Variants in TSPAN11 observed in about 807,000 individuals in gnomAD.
The protein encoded by TSPAN11 is tetraspanin-11.
TSPAN11 carries 29 observed loss-of-function variants against 32.9 expected under a neutral mutation model. The ratio of observed to expected loss-of-function variants is 0.88; its 90% CI spans 0.66 to 1.20. The LOEUF is 1.20. TSPAN11 is among the 50% of genes most tolerant of loss of function. The pLI, the probability that TSPAN11 is intolerant of heterozygous loss-of-function variation, is 0.00. For missense variants in TSPAN11, 283 were observed against 329.1 expected, an observed-to-expected ratio of 0.86 and a Z score of 1.08; for synonymous variants, 140 against 141.3, an observed-to-expected ratio of 0.99 and a Z score of 0.07.
At chr12:31,008,487 C>A in the TSPAN11 span, among the ~76,000 whole-genome samples, 1 of 152,180 alleles carries the variant, frequency 6.6e-6, no homozygotes, top group East Asian at 1.9e-4. Flanking sequence ...AGCAGGGCAG[C>A]CATGAGTCAG....
downstream of TSPAN11, chr12:30,996,738 T>G (rs1432876613): frequency 1.3e-5 from 2 of 152,208 alleles, no homozygotes; most frequent in Non-Finnish European, 2.9e-5. Context: ...TTGGCCACAT[T>G]GGATAGGGTC....
At chr12:31,014,466 A>G in the TSPAN11 span, among the ~76,000 whole-genome samples, 1 of 152,122 alleles carries the variant, frequency 6.6e-6, no homozygotes, top group South Asian at 2.1e-4. Context: ...ACCACATGGC[A>G]TTTTTTTTCA....
chr12:30,961,173 A>G (rs769518995), intron 2 of TSPAN11, among the ~76,000 whole-genome samples: 1 of 151,890 alleles, frequency 6.6e-6, no homozygotes, highest in Non-Finnish European at 1.5e-5. Context: ...CACTCCATCA[A>G]GTCCCTCTTC....
intron 1 of TSPAN11, among the ~76,000 whole-genome samples, chr12:30,947,208 T>C (rs1938286533): frequency 6.6e-6 from 1 of 151,952 alleles, no homozygotes; most frequent in African/African-American, 2.4e-5. Context: ...CAAAGAAAAA[T>C]TGTGGGGTAC....
Position 30,991,955 on chromosome 12 carries a change from C to T in TSPAN11, c.*40C>T, listed in dbSNP as rs555107658. 4 of 1,608,954 alleles carry T rather than the reference C, an allele frequency of 2.5e-6. No individual in the cohort carries two copies. The African/African-American group carries it at 5.3e-5, about 21-fold the overall frequency. ...CTCTTCCAACTGCCCCTCAAGACAACATGTGGCCACATGCCATCTGCAAGG... is the reference window on the plus strand; with the variant it reads ...CTCTTCCAACTGCCCCTCAAGACAATATGTGGCCACATGCCATCTGCAAGG... On this transcript the variant is annotated 3_prime_UTR_variant, in exon 8 of 8. Coordinates refer to ENST00000546076, the MANE Select transcript of TSPAN11 (RefSeq NM_001370302.1).
At position 30,984,552 on chromosome 12, in the gene TSPAN11, C is replaced by CTTTT. The variant is rs55772956; in HGVS notation, c.702+1423_702+1426dup. On this transcript the variant is annotated intron_variant, in intron 7 of 7. Transcript: ENST00000546076. ...AAGGAGTAGTGTTCTTCGCTTTTTG[C>CTTTT]TTTTTTTTTTTTTTTTTTTTTTTTG... Among the ~76,000 whole-genome samples the CTTTT allele has an allele frequency of 6.9e-3, 470 of 68,588 alleles. 27 individuals carry two copies. The highest frequency in any genetic ancestry group is 0.018 in the African/African-American group (307 of 17,406). 45.0% of individuals were successfully genotyped at this position (68,588 alleles called of 152,430 possible). A position where few individuals can be genotyped will look rare whatever the true frequency, so the allele number is the denominator to read the frequency against.
intron 7 of TSPAN11, among the ~76,000 whole-genome samples, chr12:30,991,567 T>C (rs1939312629): frequency 6.6e-6 from 1 of 152,162 alleles, no homozygotes; most frequent in African/African-American, 2.4e-5. Flanking sequence ...AGAATTGTAA[T>C]AAGGAGGTCC....
At chr12:30,943,626 ACCT>A (rs1350291107) in intron 1 of TSPAN11, among the ~76,000 whole-genome samples, 3 of 152,246 alleles carry the variant, frequency 2.0e-5, no homozygotes, top group East Asian at 3.9e-4. Flanking sequence ...CCACAGTGTG[ACCT>A]CCTGTTCCCC....
intron 1 of TSPAN11, among the ~76,000 whole-genome samples, chr12:30,947,572 G>C (rs145763011): frequency 6.6e-6 from 1 of 152,122 alleles, no homozygotes; most frequent in South Asian, 2.1e-4. Flanking sequence ...AAATGAGAGA[G>C]AAGCAAGAAC....
intron 1 of TSPAN11, among the ~76,000 whole-genome samples, chr12:30,933,477 TC>T (rs1937976549): frequency 1.3e-5 from 2 of 151,590 alleles, no homozygotes; most frequent in Admixed American, 1.3e-4. Flanking sequence ...ACATTTATGT[TC>T]CCCCTTCCAG....
At chr12:30,990,070 C>T (rs1423714609) in intron 7 of TSPAN11, among the ~76,000 whole-genome samples, 1 of 152,206 alleles carries the variant, frequency 6.6e-6, no homozygotes, top group African/African-American at 2.4e-5. Flanking sequence ...AGGGAGATGG[C>T]AATGCCTATT....
chr12:30,949,179 C>T (rs540931151), intron 1 of TSPAN11, among the ~76,000 whole-genome samples: 1 of 152,188 alleles, frequency 6.6e-6, no homozygotes, highest in East Asian at 1.9e-4. Flanking sequence ...CTAGGAAGTT[C>T]CAAACTTTCC....
At chr12:30,960,554 C>T (rs1230020226) in intron 2 of TSPAN11, among the ~76,000 whole-genome samples, 5 of 151,990 alleles carry the variant, frequency 3.3e-5, no homozygotes, top group African/African-American at 4.8e-5. Context: ...TCTCTCGGCC[C>T]CTCAGGCATG....
At chr12:30,958,212 G>C (rs1489354002) in intron 2 of TSPAN11, among the ~76,000 whole-genome samples, 1 of 152,106 alleles carries the variant, frequency 6.6e-6, no homozygotes, top group Non-Finnish European at 1.5e-5. Context: ...GATGGGACTG[G>C]GGAAGACAGC....
At chr12:31,006,633 G>T in the TSPAN11 span, among the ~76,000 whole-genome samples, 1 of 152,214 alleles carries the variant, frequency 6.6e-6, no homozygotes, top group Non-Finnish European at 1.5e-5. Flanking sequence ...AGAAGGTGCA[G>T]GCCCCTGGCA....
intron 2 of TSPAN11, among the ~76,000 whole-genome samples, chr12:30,957,233 C>G (rs1463166711): frequency 6.5e-5 from 6 of 92,180 alleles, no homozygotes; most frequent in Non-Finnish European, 1.0e-4. Flanking sequence ...CTGGGACCCC[C>G]CCCCCCCCCA....
At chr12:31,012,773 C>T in the TSPAN11 span, 15 of 152,348 alleles carry the variant, frequency 9.8e-5, no homozygotes, top group South Asian at 2.9e-3. Flanking sequence ...CCACCACACC[C>T]GTTTTCAGAA....
Position 30,981,696 on chromosome 12 carries a change from G to A in TSPAN11, c.457-836G>A, listed in dbSNP as rs114681583. ...AAGCTTCTGTCATCTTCTACCACGC[G>A]ACAGTGGATGCTAAGCTACCCAAGG... On this transcript the variant is annotated intron_variant, in intron 5 of 7. Transcript: ENST00000546076. Among the ~76,000 whole-genome samples the A allele has an allele frequency of 2.9e-3, 439 of 152,248 alleles. 2 individuals carry two copies. Among genetic ancestry groups the A allele is most frequent in the African/African-American group, 9.0e-3 (373 of 41,544 alleles).
intron 3 of TSPAN11, among the ~76,000 whole-genome samples, chr12:30,966,863 T>C (rs1284552775): frequency 6.6e-6 from 1 of 152,212 alleles, no homozygotes; most frequent in Non-Finnish European, 1.5e-5. Flanking sequence ...AGTGCCTCGT[T>C]GCTCCCATTA....
Sources: gnomAD v4.1 joint callset for allele counts (sites outside exome capture counted in the v4.1 genomes callset) on GRCh38, gnomAD v4.1.1 for gene constraint, MANE v1.5 for transcripts, NCBI Gene and HGNC (gene_info 2026-07-23, HGNC 2026-07-21) for gene names.